The following KISS1 variants were observed in gnomAD, a reference collection of about 807,000 sequenced individuals.
The protein encoded by KISS1 is KiSS-1 metastasis suppressor.
For synonymous variants in KISS1, 97 were observed against 88.7 expected, an observed-to-expected ratio of 1.09 and a Z score of -0.52; for missense variants, 182 against 182.7, an observed-to-expected ratio of 1.00 and a Z score of 0.02.
chr1:204,195,195 C>CATAT (rs1658817161), intron 1 of KISS1, among the ~76,000 whole-genome samples: 1 of 145,506 alleles, frequency 6.9e-6, no homozygotes, highest in Non-Finnish European at 1.5e-5. Context: ...TGCACACACA[C>CATAT]ACCACACACA....
chr1:204,194,699 C>A (rs1658802763), intron 1 of KISS1, among the ~76,000 whole-genome samples: 1 of 152,188 alleles, frequency 6.6e-6, no homozygotes, highest in Non-Finnish European at 1.5e-5. Context: ...GAGGACCAGG[C>A]AGATTTTTGG....
rs140546640 is a variant in KISS1, at chr1:204,191,185, A to G, written c.104-388T>C. On this transcript the variant is annotated intron_variant, in intron 2 of 2. Transcript: ENST00000367194. ...GTTAATTCATCTCTGTATCTCTCAT[A>G]GTGCTTGAAACAGTGGCTTGCTCAT... Among the ~76,000 whole-genome samples, 6 of 152,258 alleles carry G rather than the reference A, an allele frequency of 3.9e-5. No individual in the cohort carries two copies. In the East Asian group the frequency reaches 1.2e-3, roughly 29 times the overall value.
chr1:204,192,943 G>C lies in KISS1; in HGVS notation c.-38-29C>G. The C allele has an allele frequency of 9.1e-7, 1 of 1,103,598 alleles. No individual in the cohort carries two copies. Among genetic ancestry groups the C allele is most frequent in the Non-Finnish European group, 1.3e-6 (1 of 741,032 alleles). The allele number at this position is 1,103,598 out of a possible 1,614,324, so 68.4% of individuals were successfully genotyped here. A position where few individuals can be genotyped will look rare whatever the true frequency, so the allele number is the denominator to read the frequency against. On this transcript the variant is annotated intron_variant, in intron 1 of 2. Coordinates refer to ENST00000367194, the MANE Select transcript of KISS1 (RefSeq NM_002256.4). The surrounding 1 kb of genome is among the most constrained non-coding windows in gnomAD (Gnocchi z 4.2). ...AGACAGAGAGAGGGAACAAAGACTAGGTCAGGCACAGGATCTGGGCTGGGT... is the reference window on the plus strand; with the variant it reads ...AGACAGAGAGAGGGAACAAAGACTACGTCAGGCACAGGATCTGGGCTGGGT...
In KISS1 at chr1:204,192,789, T is replaced by C. The variant is rs779556014; in HGVS notation, c.88A>G (p.Asn30Asp). The C allele has an allele frequency of 8.8e-6, 14 of 1,594,392 alleles. No homozygotes were observed. Among genetic ancestry groups the C allele is most frequent in the Non-Finnish European group, 1.2e-5 (14 of 1,167,574 alleles). The change falls in exon 2 of 3, where the codon AAT becomes GAT. Residue 30 changes from asparagine to aspartate, a missense_variant. Physicochemically the swap from Asn to Asp is conservative, Grantham distance 23. Transcript: ENST00000367194. The surrounding 1 kb of genome is among the most constrained non-coding windows in gnomAD (Gnocchi z 4.2). ...EPLEKVASVG[N>D]SRPTGQQLES... Reference sequence around the variant, plus strand: ...GGATACATACCTGTGGGTCTAGAATTCCCCACAGAGGCCACCTTTTCTAAT... The same window carrying C: ...GGATACATACCTGTGGGTCTAGAATCCCCCACAGAGGCCACCTTTTCTAAT...
In KISS1 at chr1:204,190,643, C is replaced by G. The variant is rs1470489480; in HGVS notation, c.258G>C (p.Leu86=). Residue 86 remains leucine, a synonymous_variant, in exon 3 of 3, where the codon CTG becomes CTC. Coordinates refer to ENST00000367194, the MANE Select transcript of KISS1 (RefSeq NM_002256.4). The part of the protein sequence containing the change: ...ESSGSPQQPG[L]SAPHSRQIPA... ...GGATCTGGCGGCTGTGGGGGGCGGA[C>G]AGGCCCGGCTGCTGGGGGCTCCCGG... The G allele has an allele frequency of 1.3e-6, 2 of 1,583,870 alleles. No individual in the cohort carries two copies. Among genetic ancestry groups the G allele is most frequent in the South Asian group, 1.1e-5 (1 of 87,462 alleles).
chr1:204,192,972 G>GCCCTC lies in KISS1; in HGVS notation c.-38-59_-38-58insGAGGG. On this transcript the variant is annotated intron_variant, in intron 1 of 2. Transcript: ENST00000367194. This position sits in a 1 kb window ranked among gnomAD's most constrained non-coding sequence, Gnocchi z 4.2. ...AGGCACAGGATCTGGGCTGGGTGCT[G>GCCCTC]AGGGCAGAGCCCAGTGCAAAAGGGA... 1 of 864,554 alleles carries GCCCTC rather than the reference G, an allele frequency of 1.2e-6. No individual in the cohort carries two copies. The highest frequency in any genetic ancestry group is 1.9e-6 in the Non-Finnish European group (1 of 527,922). The allele number at this position is 864,554 out of a possible 1,614,324, so 53.6% of individuals were successfully genotyped here.
At chr1:204,194,635 C>T (rs1381685022) in intron 1 of KISS1, among the ~76,000 whole-genome samples, 1 of 152,124 alleles carries the variant, frequency 6.6e-6, no homozygotes, top group Non-Finnish European at 1.5e-5. Context: ...AATGACATAC[C>T]GGATGCATGT....
chr1:204,195,261 TACAC>T (rs1429511586), intron 1 of KISS1, among the ~76,000 whole-genome samples: 1 of 1,936 alleles, frequency 5.2e-4, no homozygotes, highest in Admixed American at 5.7e-3. Context: ...ACACACATCA[TACAC>T]ACACACATAC....
chr1:204,195,182 A>ACACACCACACACATATACGCATACACC (rs1558254492), intron 1 of KISS1, among the ~76,000 whole-genome samples: 19 of 2,558 alleles, frequency 7.4e-3, no homozygotes, highest in Admixed American at 9.7e-3. Flanking sequence ...CACACACCAC[A>ACACACCACACACATATACGCATACACC]CATGCACACA....
At position 204,190,492 on chromosome 1, in the gene KISS1, G is replaced by GCCCCTGCGCCCTCAGCCCCA. The variant is rs1255751155; in HGVS notation, c.408_409insTGGGGCTGAGGGCGCAGGGG (p.Arg137TrpfsTer3). Reference sequence around the variant, plus strand: ...GCCCCGCACCTGCGCCCTCAGCCCCGCCCAGCGCTTCTGCCGTGGTTCCCT... The same window carrying GCCCCTGCGCCCTCAGCCCCA: ...GCCCCGCACCTGCGCCCTCAGCCCCGCCCCTGCGCCCTCAGCCCCACCCAGCGCTTCTGCCGTGGTTCCCT... On this transcript the variant is annotated stop_gained and frameshift_variant, in exon 3 of 3. Transcript: ENST00000367194. LOFTEE classifies it high-confidence loss of function. 1 of 1,456,674 alleles carries GCCCCTGCGCCCTCAGCCCCA rather than the reference G, an allele frequency of 6.9e-7. No individual in the cohort carries two copies. Among genetic ancestry groups the GCCCCTGCGCCCTCAGCCCCA allele is most frequent in the African/African-American group, 1.7e-5 (1 of 59,936 alleles). The allele number at this position is 1,456,674 out of a possible 1,614,324, so 90.2% of individuals were successfully genotyped here. A position where few individuals can be genotyped will look rare whatever the true frequency, so the allele number is the denominator to read the frequency against.
At chr1:204,193,757 C>T (rs1407786138) in intron 1 of KISS1, among the ~76,000 whole-genome samples, 1 of 152,112 alleles carries the variant, frequency 6.6e-6, no homozygotes, top group African/African-American at 2.4e-5. Flanking sequence ...GCCGTGTGCC[C>T]TGATCCTCAC....
chr1:204,191,354 C>G (rs186580697), intron 2 of KISS1, among the ~76,000 whole-genome samples: 1 of 150,764 alleles, frequency 6.6e-6, no homozygotes, highest in Non-Finnish European at 1.5e-5. Context: ...GACCACCCAC[C>G]CCCCCAACCC....
At chr1:204,190,911 G>A in intron 2 of KISS1, 114 bp from the exon 3 acceptor site, 1 of 901,222 alleles carries the variant, frequency 1.1e-6, no homozygotes, top group Middle Eastern at 2.2e-4. Context: ...TGGAAGCTCG[G>A]AGCTCAGTGC....
intron 2 of KISS1, among the ~76,000 whole-genome samples, chr1:204,191,664 G>A (rs1296756012): frequency 6.6e-6 from 1 of 152,248 alleles, no homozygotes; most frequent in South Asian, 2.1e-4. Flanking sequence ...AGTTGGCTTT[G>A]AGCCCTGCTC....
Position 204,192,988 on chromosome 1 carries a change from G to T in KISS1, c.-38-74C>A. 1.3e-6 allele frequency: 1 copy of T among 765,044 alleles called. No individual in the cohort carries two copies. The highest frequency in any genetic ancestry group is 2.7e-5 in the East Asian group (1 of 37,220). 47.4% of individuals were successfully genotyped at this position (765,044 alleles called of 1,614,324 possible). A position where few individuals can be genotyped will look rare whatever the true frequency, so the allele number is the denominator to read the frequency against. ...CTGGGTGCTGAGGGCAGAGCCCAGT[G>T]CAAAAGGGACAGTCCTCCAAGAGAG... is the stretch of plus-strand genomic sequence containing the variant. On this transcript the variant is annotated intron_variant, in intron 1 of 2. Transcript: ENST00000367194. This position sits in a 1 kb window ranked among gnomAD's most constrained non-coding sequence, Gnocchi z 4.2.
rs774017114 is a variant in KISS1, at chr1:204,190,744, A to ACGG, written c.154_156dup (p.Pro52dup). 34 of 1,610,626 alleles carry ACGG rather than the reference A, an allele frequency of 2.1e-5. No homozygotes were observed. In the Admixed American group the frequency reaches 2.7e-4, roughly 13 times the overall value. ...GTAGCAGCTGGCTTCCTCTCGGTGC[A>ACGG]CGGCAGGCTCTGCTCCCCGGGGGCC... On this transcript the variant is annotated inframe_insertion, in exon 3 of 3. Transcript: ENST00000367194.
In KISS1 at chr1:204,192,743, C is replaced by T. The variant is rs1328145316; in HGVS notation, c.103+31G>A. 7.2e-7 allele frequency: 1 copy of T among 1,392,020 alleles called. No homozygotes were observed. Among genetic ancestry groups the T allele is most frequent in the East Asian group, 2.3e-5 (1 of 42,710 alleles). 86.2% of individuals were successfully genotyped at this position (1,392,020 alleles called of 1,614,324 possible). On this transcript the variant is annotated intron_variant, in intron 2 of 2. Transcript: ENST00000367194. The surrounding 1 kb of genome is among the most constrained non-coding windows in gnomAD (Gnocchi z 4.2). ...TCATTTTGCAACAACCCACTTGCTC[C>T]CTCCCACTCCTTTCCCCAGAGGATA...
intron 1 of KISS1, among the ~76,000 whole-genome samples, chr1:204,195,627 CGT>C (rs1359655171): frequency 6.7e-6 from 1 of 149,946 alleles, no homozygotes; most frequent in Non-Finnish European, 1.5e-5. Context: ...CACCCATACA[CGT>C]ACATCATACA....
At chr1:204,195,563 A>G (rs12568353) in intron 1 of KISS1, among the ~76,000 whole-genome samples, 24,505 of 151,004 alleles carry the variant, frequency 0.16, 2,301 homozygotes, top group East Asian at 0.41. Flanking sequence ...ACACCCGTAC[A>G]CATACACTAC....
Sources: gnomAD v4.1 joint callset for allele counts (sites outside exome capture counted in the v4.1 genomes callset) on GRCh38, gnomAD v4.1.1 for gene constraint, Gnocchi (gnomAD v3.1) non-coding constraint, MANE v1.5 for transcripts, NCBI Gene and HGNC (gene_info 2026-07-23, HGNC 2026-07-21) for gene names.